The following SORBS2 variants were observed in gnomAD, a reference collection of about 807,000 sequenced individuals.
SORBS2 encodes the protein sorbin and SH3 domain containing 2, also known as sorbin and SH3 domain-containing protein 2.
A neutral mutation model predicts 97.7 loss-of-function variants in SORBS2; 46 were observed. The ratio of observed to expected loss-of-function variants is 0.47; its 90% confidence interval spans 0.37 to 0.60. SORBS2 has a LOEUF of 0.60. Among genes scored for constraint, SORBS2 ranks in the 20% least tolerant of loss-of-function variants. SORBS2 has a pLI of 0.00. For synonymous variants in SORBS2, 476 were observed against 473.4 expected, an observed-to-expected ratio of 1.01 and a Z score of -0.07; for missense variants, 1,316 against 1,282.3, an observed-to-expected ratio of 1.03 and a Z score of -0.40.
Position 185,794,218 on chromosome 4 carries a change from C to T in SORBS2, c.-337-18852G>A, listed in dbSNP as rs550720990. Among the ~76,000 whole-genome samples, 168 of 151,964 alleles carry T rather than the reference C, an allele frequency of 1.1e-3. 1 individual carries two copies. Among genetic ancestry groups the T allele is most frequent in the African/African-American group, 3.8e-3 (158 of 41,444 alleles). On this transcript the variant is annotated intron_variant, in intron 1 of 20. Coordinates refer to the SORBS2 transcript ENST00000284776. ...TAAAAATAACCAGGTAAAGAAATGA[C>T]GTTAGGGTGGGGAGAGAGGGCAGCA...
Position 185,619,971 on chromosome 4 carries a change from G to A in SORBS2, c.2304+92C>T, listed in dbSNP as rs748346384. 2.0e-5 allele frequency: 16 copies of A among 807,620 alleles called. 1 individual carries two copies. The highest frequency in any genetic ancestry group is 6.8e-5 in the African/African-American group (4 of 59,092). 50.0% of individuals were successfully genotyped at this position (807,620 alleles called of 1,614,324 possible). Reference sequence around the variant, plus strand: ...CTCAGTATTTTCACATTTCCTGTCCGAGTTCGTTACTGGTTTGGGATAATT... The same window carrying A: ...CTCAGTATTTTCACATTTCCTGTCCAAGTTCGTTACTGGTTTGGGATAATT... On this transcript the variant is annotated intron_variant, in intron 8 of 14. Coordinates refer to ENST00000418609, the Ensembl canonical transcript of SORBS2.
chr4:185,858,874 G>A (rs186414071), intron 1 of SORBS2, among the ~76,000 whole-genome samples: 2 of 152,254 alleles, frequency 1.3e-5, no homozygotes, highest in East Asian at 3.9e-4. Flanking sequence ...AGCAAAATCA[G>A]GCTAAGAACA....
chr4:185,623,317 T>G lies in SORBS2; in HGVS notation c.1812A>C (p.Leu604=), dbSNP rs1268862376. 1 of 1,614,162 alleles carries G rather than the reference T, an allele frequency of 6.2e-7. No individual in the cohort carries two copies. Among genetic ancestry groups the G allele is most frequent in the Non-Finnish European group, 8.5e-7 (1 of 1,180,026 alleles). ...TCCTCCGGAAAGGCACAGGACTGAC[T>G]AGAAAAGCAAGTTTAGAAAGGCCAG... is the stretch of plus-strand genomic sequence containing the variant. The change falls in exon 7 of 15, where the codon CTA becomes CTC. Residue 604 remains leucine, a synonymous_variant. Coordinates refer to ENST00000418609, the Ensembl canonical transcript of SORBS2. The surrounding 1 kb of genome is among the most constrained non-coding windows in gnomAD (Gnocchi z 6.4).
intron 2 of SORBS2, among the ~76,000 whole-genome samples, chr4:185,722,295 CAAAA>C (rs1277977614): frequency 6.6e-6 from 1 of 152,106 alleles, no homozygotes; most frequent in East Asian, 1.9e-4. Flanking sequence ...TCTGGTAAGA[CAAAA>C]AGAGTTTCTA....
At chr4:185,840,113 G>A (rs1043414945) in intron 1 of SORBS2, among the ~76,000 whole-genome samples, 5 of 152,192 alleles carry the variant, frequency 3.3e-5, no homozygotes, top group Admixed American at 3.3e-4. Context: ...AGCCTGGGAG[G>A]ACTGGCAGAG....
At chr4:185,781,491 C>T (rs1311314601) in intron 1 of SORBS2, among the ~76,000 whole-genome samples, 1 of 152,066 alleles carries the variant, frequency 6.6e-6, no homozygotes, top group African/African-American at 2.4e-5. Flanking sequence ...CCATTGCCTC[C>T]AGCCTCTCTA....
chr4:185,639,297 G>T (rs978774719), intron 4 of SORBS2, among the ~76,000 whole-genome samples: 2 of 152,194 alleles, frequency 1.3e-5, no homozygotes, highest in Non-Finnish European at 2.9e-5. Context: ...TCACAATACC[G>T]TGGATGGCGG....
At chr4:185,617,417 CATT>C (rs964105989) in intron 9 of SORBS2, among the ~76,000 whole-genome samples, 7 of 152,270 alleles carry the variant, frequency 4.6e-5, no homozygotes, top group African/African-American at 1.7e-4. Flanking sequence ...ATCTCAGCAG[CATT>C]ACCAAATTCT....
At chr4:185,742,985 G>A (rs2098736764) in intron 2 of SORBS2, among the ~76,000 whole-genome samples, 2 of 152,244 alleles carry the variant, frequency 1.3e-5, no homozygotes, top group South Asian at 2.1e-4. Context: ...CACAGCGAAT[G>A]CACCTCCCAG....
intron 2 of SORBS2, among the ~76,000 whole-genome samples, chr4:185,714,279 G>T (rs924203147): frequency 6.6e-6 from 1 of 152,174 alleles, no homozygotes; most frequent in African/African-American, 2.4e-5. Flanking sequence ...ATATTTTGCA[G>T]CAGTGTCTTG....
intron 2 of SORBS2, among the ~76,000 whole-genome samples, chr4:185,709,304 CT>C (rs70962587): frequency 0.05 from 4,846 of 96,798 alleles, 430 homozygotes; most frequent in African/African-American, 0.16. Flanking sequence ...CTGGCCAAAT[CT>C]TTTTTTTTTT....
At chr4:185,768,364 A>G (rs2098948773) in intron 2 of SORBS2, among the ~76,000 whole-genome samples, 1 of 152,176 alleles carries the variant, frequency 6.6e-6, no homozygotes, top group African/African-American at 2.4e-5. Flanking sequence ...AGACCATATC[A>G]AAGGCTTTGA....
chr4:185,756,952 T>C, intron 2 of SORBS2: 2 of 1,467,762 alleles, frequency 1.4e-6, no homozygotes, highest in Admixed American at 1.7e-5. Flanking sequence ...GAAAAAGCAT[T>C]TTGGTCCATT....
In SORBS2 at chr4:185,764,189, T is replaced by G. The variant is rs576849525; in HGVS notation, c.-198+11038A>C. 3.8e-3 allele frequency among the ~76,000 whole-genome samples: 576 copies of G among 152,314 alleles called. 3 individuals are homozygous for G. Among genetic ancestry groups the G allele is most frequent in the African/African-American group, 0.013 (542 of 41,570 alleles). On this transcript the variant is annotated intron_variant, in intron 2 of 20. Transcript: ENST00000284776. ...CTGCTCTCCATAGTCCTGTAGCAAC[T>G]GAGAGGACTGCTTGTCTGTTTTACT...
chr4:185,809,952 A>T (rs1418064106), intron 1 of SORBS2, among the ~76,000 whole-genome samples: 1 of 152,222 alleles, frequency 6.6e-6, no homozygotes, highest in Non-Finnish European at 1.5e-5. Flanking sequence ...ATCCTTTGGC[A>T]GTGTAAAGCT....
intron 4 of SORBS2, among the ~76,000 whole-genome samples, chr4:185,634,009 G>A (rs28452379): frequency 0.036 from 5,457 of 152,034 alleles, 312 homozygotes; most frequent in African/African-American, 0.12. Flanking sequence ...ATAACCCCTT[G>A]TTTTATTTGA....
intron 1 of SORBS2, among the ~76,000 whole-genome samples, chr4:185,903,216 T>G (rs1259991625): frequency 6.6e-6 from 1 of 152,216 alleles, no homozygotes; most frequent in Non-Finnish European, 1.5e-5. Flanking sequence ...AGGAAATGAT[T>G]TGATATCTGT....
chr4:185,846,634 C>G (rs2149673337), intron 1 of SORBS2, among the ~76,000 whole-genome samples: 1 of 152,296 alleles, frequency 6.6e-6, no homozygotes, highest in Non-Finnish European at 1.5e-5. Flanking sequence ...CTATTGGGAA[C>G]AATTTCACTG....
At chr4:185,714,803 A>T (rs913269088) in intron 2 of SORBS2, among the ~76,000 whole-genome samples, 2 of 152,124 alleles carry the variant, frequency 1.3e-5, no homozygotes, top group Non-Finnish European at 2.9e-5. Context: ...CACCCCCATG[A>T]TCCAATTATC....
Sources: allele counts gnomAD v4.1 joint callset (sites outside exome capture counted in the v4.1 genomes callset), GRCh38; gene constraint gnomAD v4.1.1; non-coding constraint Gnocchi (gnomAD v3.1); transcripts MANE v1.5; gene names NCBI Gene and HGNC (gene_info 2026-07-23, HGNC 2026-07-21).